The following ZNF727 variants were observed in gnomAD, a reference collection of about 807,000 sequenced individuals.
ZNF727 encodes putative zinc finger protein 727.
ZNF727 carries 11 observed loss-of-function variants against 11.5 expected under a neutral mutation model. The observed-to-expected ratio is 0.95, with a 90% confidence interval of 0.60 to 1.58. The LOEUF (loss-of-function observed/expected upper bound fraction) is 1.58. Among genes scored for constraint, ZNF727 ranks in the 40% most tolerant of loss-of-function variants. ZNF727 has a pLI of 0.00. For missense variants in ZNF727, 533 were observed against 581.7 expected (o/e 0.92, Z 0.86); for synonymous variants, 171 against 196.1 (o/e 0.87, Z 1.07).
In ZNF727 at chr7:64,081,817, G is replaced by A. The variant is rs531125176; in HGVS notation, c.*3268G>A. 3.3e-5 allele frequency among the ~76,000 whole-genome samples: 5 copies of A among 152,122 alleles called. No homozygotes were observed. The highest frequency in any genetic ancestry group is 4.4e-5 in the Non-Finnish European group (3 of 68,024). On this transcript the variant is annotated 3_prime_UTR_variant, in exon 4 of 4. Coordinates refer to ENST00000456806, the MANE Select transcript of ZNF727 (RefSeq NM_001159522.3). ...GAAAGTTGAGCCTATGGAAATGGCCGTCAATGGCCACACTCTACTACAGGT... is the reference window on the plus strand; with the variant it reads ...GAAAGTTGAGCCTATGGAAATGGCCATCAATGGCCACACTCTACTACAGGT...
Position 64,052,376 on chromosome 7 carries a change from CTCTTTTT to C in ZNF727, c.3+6754_3+6760del, listed in dbSNP as rs747272188. 3.0e-4 allele frequency among the ~76,000 whole-genome samples: 21 copies of C among 69,922 alleles called. No individual in the cohort carries two copies. The Middle Eastern group carries it at 0.03, about 101-fold the overall frequency. 45.9% of individuals were successfully genotyped at this position (69,922 alleles called of 152,430 possible). A position where few individuals can be genotyped will look rare whatever the true frequency, so the allele number is the denominator to read the frequency against. On this transcript the variant is annotated intron_variant, in intron 1 of 3. Transcript: ENST00000456806. ...AGGAGTTCCCCTGGACAATTTCTCT[CTCTTTTT>C]TTTTTTTTTTTTTTTTGCCTGCTGC...
chr7:64,058,353 C>A (rs1191188307), intron 1 of ZNF727, among the ~76,000 whole-genome samples: 1 of 152,180 alleles, frequency 6.6e-6, no homozygotes, highest in Non-Finnish European at 1.5e-5. Flanking sequence ...ATTCTGCCCA[C>A]CTGGACACAT....
At chr7:64,063,091 A>G (rs919292227) in intron 1 of ZNF727, among the ~76,000 whole-genome samples, 11 of 88,954 alleles carry the variant, frequency 1.2e-4, no homozygotes, top group African/African-American at 3.3e-4. Flanking sequence ...AAGGTTACAT[A>G]TCTCTGTCTC....
rs369666130 is a variant in ZNF727, at chr7:64,053,310, T to TTGC, written c.3+7688_3+7689insCTG. On this transcript the variant is annotated intron_variant, in intron 1 of 3. Coordinates refer to ENST00000456806, the MANE Select transcript of ZNF727 (RefSeq NM_001159522.3). ...CTCATGAGATCTGATAGGTTTTTTG[T>TTGC]TGTTGTTGTTGTTGTTGATTTTTCT... Among the ~76,000 whole-genome samples the TTGC allele has an allele frequency of 1.3e-3, 191 of 151,948 alleles. 1 individual carries two copies. The highest frequency in any genetic ancestry group is 4.3e-3 in the African/African-American group (180 of 41,454).
chr7:64,065,350 G>A (rs113617945), intron 1 of ZNF727, among the ~76,000 whole-genome samples: 130 of 152,196 alleles, frequency 8.5e-4, no homozygotes, highest in African/African-American at 2.7e-3. Context: ...TGGCAGAGAA[G>A]GGCAACTGAG....
rs1450995310 is a variant in ZNF727 at position 64,083,986 on chromosome 7, CTA to C, written c.*5439_*5440del. On this transcript the variant is annotated 3_prime_UTR_variant, in exon 4 of 4. Transcript: ENST00000456806. ...TGTAATTTAACTCTTACATTTGATG[CTA>C]TGTCTTCATTCTAGAATTTATGTGA... is the stretch of plus-strand genomic sequence containing the variant. Among the ~76,000 whole-genome samples, 35 of 152,134 alleles carry C rather than the reference CTA, an allele frequency of 2.3e-4. No individual in the cohort carries two copies. The highest frequency in any genetic ancestry group is 7.7e-4 in the African/African-American group (32 of 41,432).
intron 1 of ZNF727, among the ~76,000 whole-genome samples, chr7:64,056,458 AT>A (rs1789688037): frequency 6.6e-6 from 1 of 152,214 alleles, no homozygotes; most frequent in Non-Finnish European, 1.5e-5. Context: ...CCTGAAACTT[AT>A]CCCAACAATT....
chr7:64,074,646 A>T (rs76143241), intron 3 of ZNF727, among the ~76,000 whole-genome samples: 2 of 152,184 alleles, frequency 1.3e-5, no homozygotes, highest in African/African-American at 4.8e-5. Context: ...TGAAAGTGAT[A>T]ACTTTTATCA....
intron 1 of ZNF727, among the ~76,000 whole-genome samples, chr7:64,052,384 T>TCC (rs1562790233): frequency 2.8e-4 from 41 of 144,844 alleles, no homozygotes; most frequent in Non-Finnish European, 5.5e-4. Flanking sequence ...CTCTCTTTTT[T>TCC]TTTTTTTTTT....
At chr7:64,057,358 A>G (rs1419982360) in intron 1 of ZNF727, among the ~76,000 whole-genome samples, 1 of 152,250 alleles carries the variant, frequency 6.6e-6, no homozygotes, top group Admixed American at 6.5e-5. Context: ...CATATGTACC[A>G]TGGAATACCA....
chr7:64,056,121 C>T (rs145462620), intron 1 of ZNF727, among the ~76,000 whole-genome samples: 156 of 152,158 alleles, frequency 1.0e-3, no homozygotes, highest in African/African-American at 3.4e-3. Flanking sequence ...TATGATAGAG[C>T]ATTGATTTTT....
At chr7:64,073,129 AT>A (rs749142565) in intron 3 of ZNF727, among the ~76,000 whole-genome samples, 2,012 of 149,758 alleles carry the variant, frequency 0.013, 46 homozygotes, top group African/African-American at 0.046. Context: ...GATTGGTAGC[AT>A]TTTTTTTTCA....
intron 2 of ZNF727, 114 bp from the exon 3 acceptor site, chr7:64,069,400 G>A: frequency 1.1e-6 from 1 of 929,330 alleles, no homozygotes; most frequent in Non-Finnish European, 1.6e-6. Context: ...CAGTAGATTG[G>A]AATTAATTTT....
chr7:64,045,760 C>A, intron 1 of ZNF727, 136 bp downstream of exon 1: 1 of 1,129,242 alleles, frequency 8.9e-7, no homozygotes, highest in Non-Finnish European at 1.3e-6. Context: ...GTTCAGTCCT[C>A]ACTTCCCTCC....
intron 1 of ZNF727, among the ~76,000 whole-genome samples, chr7:64,064,843 C>G (rs1466255861): frequency 1.3e-5 from 2 of 152,144 alleles, no homozygotes; most frequent in Non-Finnish European, 2.9e-5. Context: ...CTGAGTTTTA[C>G]TGCTAAGTCT....
chr7:64,057,118 A>C (rs1789697271), intron 1 of ZNF727, among the ~76,000 whole-genome samples: 1 of 152,066 alleles, frequency 6.6e-6, no homozygotes, highest in South Asian at 2.1e-4. Flanking sequence ...ACAGCCCCCA[A>C]AGAATTATTT....
intron 3 of ZNF727, among the ~76,000 whole-genome samples, chr7:64,072,456 CTGAG>C (rs910281161): frequency 6.6e-6 from 1 of 152,120 alleles, no homozygotes; most frequent in Non-Finnish European, 1.5e-5. Context: ...GTGTTTCTTA[CTGAG>C]TATGTGGCAG....
At chr7:64,058,052 A>G (rs1468788703) in intron 1 of ZNF727, among the ~76,000 whole-genome samples, 1 of 152,178 alleles carries the variant, frequency 6.6e-6, no homozygotes, top group African/African-American at 2.4e-5. Flanking sequence ...TCAAAAGAAA[A>G]TGGAGTTGTT....
At chr7:64,065,808 G>C (rs1170768257) in intron 1 of ZNF727, among the ~76,000 whole-genome samples, 2 of 151,962 alleles carry the variant, frequency 1.3e-5, no homozygotes, top group Non-Finnish European at 2.9e-5. Flanking sequence ...TTGTGTACCA[G>C]AGCCTTCTCT....
Sources: allele counts gnomAD v4.1 joint callset (sites outside exome capture counted in the v4.1 genomes callset), GRCh38; gene constraint gnomAD v4.1.1; transcripts MANE v1.5; gene names NCBI Gene and HGNC (gene_info 2026-07-23, HGNC 2026-07-21).